Variants in FRMD5 observed in about 807,000 individuals in gnomAD.
FRMD5 encodes the protein FERM domain-containing protein 5.
Under a neutral mutation model 69.0 loss-of-function variants are expected in FRMD5, and 20 were observed. That is an observed-to-expected ratio of 0.29 (90% CI 0.20 to 0.42). The LOEUF (loss-of-function observed/expected upper bound fraction) is 0.42. FRMD5 is among the 10% of genes least tolerant of loss of function. The pLI, the probability that FRMD5 is intolerant of heterozygous loss-of-function variation, is 1.00. For missense variants in FRMD5, 595 were observed against 708.6 expected (o/e 0.84, Z 1.82); for synonymous variants, 271 against 260.1 (o/e 1.04, Z -0.40).
At chr15:43,956,540 C>T (rs1371663725) in intron 1 of FRMD5, among the ~76,000 whole-genome samples, 1 of 152,044 alleles carries the variant, frequency 6.6e-6, no homozygotes, top group Non-Finnish European at 1.5e-5. Context: ...GAAACACCTG[C>T]TCAATTAAGA....
intron 1 of FRMD5, chr15:43,989,848 G>A: frequency 9.8e-7 from 1 of 1,016,600 alleles, no homozygotes; most frequent in East Asian, 2.6e-5. Context: ...GTTGGCCTTG[G>A]GGCTCAGGGG....
intron 1 of FRMD5, among the ~76,000 whole-genome samples, chr15:44,005,480 A>G (rs1890399967): frequency 6.8e-6 from 1 of 147,656 alleles, no homozygotes; most frequent in Non-Finnish European, 1.5e-5. Context: ...TCAAAAAAAA[A>G]AAAAAAAAAA....
intron 1 of FRMD5, among the ~76,000 whole-genome samples, chr15:43,929,356 T>C (rs2089637300): frequency 6.6e-6 from 1 of 152,226 alleles, no homozygotes; most frequent in African/African-American, 2.4e-5. Context: ...TCCCAGGCTC[T>C]CTGGCATGCA....
intron 2 of FRMD5, among the ~76,000 whole-genome samples, chr15:43,922,537 A>C (rs1178057997): frequency 1.3e-5 from 2 of 152,090 alleles, no homozygotes; most frequent in Admixed American, 6.5e-5. Flanking sequence ...CACCACATCC[A>C]CATATTCTCT....
chr15:43,977,701 G>C (rs888411195), intron 1 of FRMD5, among the ~76,000 whole-genome samples: 7 of 152,308 alleles, frequency 4.6e-5, no homozygotes, highest in African/African-American at 1.7e-4. Flanking sequence ...CAGGCGTTCT[G>C]CAATTTTTCT....
chr15:44,039,363 G>T (rs1892082450), intron 1 of FRMD5, among the ~76,000 whole-genome samples: 1 of 152,216 alleles, frequency 6.6e-6, no homozygotes, highest in Non-Finnish European at 1.5e-5. Flanking sequence ...CCTGACCCCT[G>T]TGTATTCTGA....
chr15:43,986,322 A>G (rs569525033), intron 1 of FRMD5, among the ~76,000 whole-genome samples: 2 of 152,268 alleles, frequency 1.3e-5, no homozygotes, highest in East Asian at 3.9e-4. Context: ...CGAAGATGAA[A>G]ATGCAGCAAA....
At chr15:44,066,965 G>C (rs1421590723) in intron 1 of FRMD5, among the ~76,000 whole-genome samples, 1 of 152,016 alleles carries the variant, frequency 6.6e-6, no homozygotes, top group Non-Finnish European at 1.5e-5. Flanking sequence ...AGAAAGATTA[G>C]TAGAGAACAA....
At chr15:43,946,607 G>A (rs191076390) in intron 1 of FRMD5, among the ~76,000 whole-genome samples, 26 of 152,294 alleles carry the variant, frequency 1.7e-4, no homozygotes, top group Admixed American at 1.6e-3. Context: ...GAGTCTTAGG[G>A]GAGGGAAAGG....
intron 1 of FRMD5, among the ~76,000 whole-genome samples, chr15:44,137,617 C>A (rs749997609): frequency 1.3e-5 from 2 of 152,032 alleles, no homozygotes; most frequent in African/African-American, 4.8e-5. Context: ...AAAACAGATG[C>A]TAAATTAGCC....
chr15:43,882,473 C>T (rs562605059), intron 13 of FRMD5, among the ~76,000 whole-genome samples: 1 of 151,974 alleles, frequency 6.6e-6, no homozygotes, highest in Non-Finnish European at 1.5e-5. Flanking sequence ...ATCCTCTTGC[C>T]TCAACCCCCC....
intron 1 of FRMD5, among the ~76,000 whole-genome samples, chr15:44,130,297 T>G (rs184614006): frequency 6.6e-6 from 1 of 152,228 alleles, no homozygotes; most frequent in African/African-American, 2.4e-5. Context: ...CTGCCTCGCC[T>G]TCATGGCCTT....
intron 1 of FRMD5, among the ~76,000 whole-genome samples, chr15:44,081,645 T>A (rs112278545): frequency 6.6e-6 from 1 of 152,054 alleles, no homozygotes; most frequent in Admixed American, 6.6e-5. Flanking sequence ...GAATTATTAA[T>A]ATGTATTTAA....
upstream of FRMD5, among the ~76,000 whole-genome samples, chr15:44,197,485 C>T (rs1292415717): frequency 1.3e-5 from 2 of 151,434 alleles, no homozygotes; most frequent in African/African-American, 4.9e-5. Context: ...AGTTCAAGAC[C>T]AGCCTGGCCA....
intron 1 of FRMD5, among the ~76,000 whole-genome samples, chr15:43,925,196 G>T (rs1817963995): frequency 6.6e-6 from 1 of 151,946 alleles, no homozygotes; most frequent in Non-Finnish European, 1.5e-5. Flanking sequence ...GTAGACACGG[G>T]GTTTCACCAT....
chr15:44,194,674 C>G (rs1161786342), intron 1 of FRMD5: 1 of 486,066 alleles, frequency 2.1e-6, no homozygotes, highest in Non-Finnish European at 3.7e-6. Flanking sequence ...CTCGAGGAAC[C>G]AGGACGGGGC....
At chr15:44,087,508 T>C (rs867094544) in intron 1 of FRMD5, among the ~76,000 whole-genome samples, 4 of 152,250 alleles carry the variant, frequency 2.6e-5, no homozygotes, top group Non-Finnish European at 4.4e-5. Context: ...GTTTAAAGTA[T>C]AGGTTTTCCT....
Position 44,188,656 on chromosome 15 carries a change from A to G in FRMD5, c.102+6297T>C, listed in dbSNP as rs150299807. Among the ~76,000 whole-genome samples, 465 of 152,236 alleles carry G rather than the reference A, an allele frequency of 3.1e-3. 3 individuals carry two copies. Among genetic ancestry groups the G allele is most frequent in the African/African-American group, 0.01 (433 of 41,530 alleles). ...ACTTTGAGAACCACTGCTTTATCCAATCCCTTATTTCATTTTCCATGCTTT... is the reference window on the plus strand; with the variant it reads ...ACTTTGAGAACCACTGCTTTATCCAGTCCCTTATTTCATTTTCCATGCTTT... On this transcript the variant is annotated intron_variant, in intron 1 of 13. Coordinates refer to ENST00000417257, the MANE Select transcript of FRMD5 (RefSeq NM_032892.5).
chr15:44,136,227 T>C (rs967920800), intron 1 of FRMD5, among the ~76,000 whole-genome samples: 5 of 10,022 alleles, frequency 5.0e-4, no homozygotes, highest in Admixed American at 5.2e-3. Context: ...TTTCACCATG[T>C]TGTCCACGGT....
Sources: allele counts gnomAD v4.1 joint callset (sites outside exome capture counted in the v4.1 genomes callset), GRCh38; gene constraint gnomAD v4.1.1; transcripts MANE v1.5; gene names NCBI Gene and HGNC (gene_info 2026-07-23, HGNC 2026-07-21).